Variants in THEMIS observed in about 807,000 individuals in gnomAD.
The protein encoded by THEMIS is thymocyte selection associated.
THEMIS carries 37 observed loss-of-function variants against 52.6 expected under a neutral mutation model. The observed-to-expected ratio is 0.70, with a 90% CI of 0.54 to 0.93. The LOEUF is 0.93. Among genes scored for constraint, THEMIS ranks in the 40% least tolerant of loss-of-function variants. The pLI is 0.00. For missense variants in THEMIS, 808 were observed against 763.1 expected, an observed-to-expected ratio of 1.06 and a Z score of -0.69; for synonymous variants, 292 against 272.7, an observed-to-expected ratio of 1.07 and a Z score of -0.70.
intron 2 of THEMIS, among the ~76,000 whole-genome samples, chr6:127,839,763 A>T (rs1481354546): frequency 6.6e-6 from 1 of 152,114 alleles, no homozygotes; most frequent in Non-Finnish European, 1.5e-5. Flanking sequence ...AGGTCAAAAC[A>T]AACACCCTTA....
At chr6:127,716,447 G>A (rs960923724) in intron 5 of THEMIS, among the ~76,000 whole-genome samples, 1 of 151,764 alleles carries the variant, frequency 6.6e-6, no homozygotes, top group African/African-American at 2.4e-5. Flanking sequence ...CCCTTCTCAG[G>A]GACAGCTGCA....
chr6:127,764,868 C>G (rs1423687037), intron 4 of THEMIS, among the ~76,000 whole-genome samples: 2 of 151,908 alleles, frequency 1.3e-5, no homozygotes, highest in African/African-American at 4.8e-5. Flanking sequence ...TGAAATTAGA[C>G]CCCCCAATTG....
chr6:127,735,766 A>G (rs955647662), intron 4 of THEMIS, among the ~76,000 whole-genome samples: 2 of 152,186 alleles, frequency 1.3e-5, no homozygotes, highest in African/African-American at 4.8e-5. Context: ...TTTTTTTCAC[A>G]CATGGTCAAC....
chr6:127,727,517 A>G (rs1025731855), intron 4 of THEMIS, among the ~76,000 whole-genome samples: 17 of 152,140 alleles, frequency 1.1e-4, no homozygotes, highest in African/African-American at 3.6e-4. Context: ...ATCTAGGAAA[A>G]TTATTCTCAA....
chr6:127,915,687 T>C (rs976470684), intron 1 of THEMIS, among the ~76,000 whole-genome samples: 13 of 151,148 alleles, frequency 8.6e-5, no homozygotes, highest in African/African-American at 3.2e-4. Context: ...TAGAAGCACA[T>C]GAGAAAAAAG....
intron 3 of THEMIS, among the ~76,000 whole-genome samples, chr6:127,827,925 T>C (rs781129550): frequency 3.2e-4 from 48 of 152,174 alleles, no homozygotes; most frequent in Admixed American, 1.6e-3. Flanking sequence ...CCACTCCCCA[T>C]TGCATGTGTT....
rs572203687 is a variant in THEMIS at position 127,787,139 on chromosome 6, A to G, written c.1758+25744T>C. ...ATCAGCAGCAATTATTAACCATTGC[A>G]TCTTCCAGAGGCTGTGATGCTAATT... On this transcript the variant is annotated intron_variant, in intron 4 of 5. Coordinates refer to ENST00000368248, the MANE Select transcript of THEMIS (RefSeq NM_001010923.3). Among the ~76,000 whole-genome samples, 8 of 152,366 alleles carry G rather than the reference A, an allele frequency of 5.3e-5. No homozygotes were observed. The East Asian group carries it at 1.5e-3, about 29-fold the overall frequency.
chr6:127,754,109 G>A (rs1234765148), intron 4 of THEMIS, among the ~76,000 whole-genome samples: 3 of 151,936 alleles, frequency 2.0e-5, no homozygotes, highest in Non-Finnish European at 4.4e-5. Context: ...TCTTAAAGAA[G>A]TTGCTTAATA....
the THEMIS span, among the ~76,000 whole-genome samples, chr6:127,701,119 A>G: frequency 6.6e-6 from 1 of 152,136 alleles, no homozygotes; most frequent in Admixed American, 6.5e-5. Context: ...TATATGGAAC[A>G]TTCTCATCAC....
intron 1 of THEMIS, among the ~76,000 whole-genome samples, chr6:127,884,205 C>G (rs1200940385): frequency 2.0e-5 from 3 of 152,122 alleles, no homozygotes; most frequent in African/African-American, 7.2e-5. Context: ...TGCACTTTGT[C>G]CATACTTCCC....
At chr6:127,831,381 G>T (rs555395978) in intron 2 of THEMIS, among the ~76,000 whole-genome samples, 16 of 152,178 alleles carry the variant, frequency 1.1e-4, no homozygotes, top group African/African-American at 3.1e-4. Context: ...GGACAAAGAA[G>T]AAATTAGTTA....
At chr6:127,792,822 A>G (rs1777202682) in intron 4 of THEMIS, among the ~76,000 whole-genome samples, 1 of 152,236 alleles carries the variant, frequency 6.6e-6, no homozygotes, top group Non-Finnish European at 1.5e-5. Flanking sequence ...TATTTCCTGT[A>G]GCTGCACAGA....
chr6:127,910,577 T>C (rs1421654087), intron 1 of THEMIS, among the ~76,000 whole-genome samples: 2 of 152,174 alleles, frequency 1.3e-5, no homozygotes, highest in African/African-American at 4.8e-5. Context: ...GATAATTAGA[T>C]GACTGTACAT....
chr6:127,865,330 G>T (rs1457571787), intron 1 of THEMIS, among the ~76,000 whole-genome samples: 1 of 152,108 alleles, frequency 6.6e-6, no homozygotes, highest in Non-Finnish European at 1.5e-5. Flanking sequence ...TGATCCAAGG[G>T]TTTATAAGGT....
chr6:127,910,305 T>C (rs1781379731), intron 1 of THEMIS, among the ~76,000 whole-genome samples: 1 of 152,152 alleles, frequency 6.6e-6, no homozygotes, highest in African/African-American at 2.4e-5. Context: ...CCTCATCATT[T>C]TGTAAGCTCA....
chr6:127,848,342 G>A (rs1779295466), intron 2 of THEMIS, among the ~76,000 whole-genome samples: 1 of 151,900 alleles, frequency 6.6e-6, no homozygotes. Flanking sequence ...CATTTGGGTT[G>A]GTTCCAACTC....
Position 127,862,428 on chromosome 6 carries a change from ATTTTTTT to A in THEMIS, c.92-7247_92-7241del, listed in dbSNP as rs71028110. ...GCAGGTGAAATCTCCTAGGGAGTAA[ATTTTTTT>A]TTTTTTTTTTTTTTTGCTCTGTTGC... On this transcript the variant is annotated intron_variant, in intron 1 of 5. Coordinates refer to ENST00000368248, the MANE Select transcript of THEMIS (RefSeq NM_001010923.3). Among the ~76,000 whole-genome samples, 21 of 72,810 alleles carry A rather than the reference ATTTTTTT, an allele frequency of 2.9e-4. 1 individual carries two copies. The highest frequency in any genetic ancestry group is 5.1e-4 in the Non-Finnish European group (18 of 35,430). 47.8% of individuals were successfully genotyped at this position (72,810 alleles called of 152,430 possible). A position where few individuals can be genotyped will look rare whatever the true frequency, so the allele number is the denominator to read the frequency against.
the THEMIS span, among the ~76,000 whole-genome samples, chr6:127,702,067 A>C: frequency 6.6e-6 from 1 of 151,878 alleles, no homozygotes; most frequent in Admixed American, 6.6e-5. Flanking sequence ...TACCCTTTAG[A>C]TATCCTTTTA....
downstream of THEMIS, chr6:127,708,158 A>C (rs1198946198): frequency 6.6e-6 from 1 of 152,098 alleles, no homozygotes; most frequent in African/African-American, 2.4e-5. Flanking sequence ...TTACAGGAAG[A>C]TAGTTATTCT....
Sources: gnomAD v4.1 joint callset for allele counts (sites outside exome capture counted in the v4.1 genomes callset) on GRCh38, gnomAD v4.1.1 for gene constraint, MANE v1.5 for transcripts, NCBI Gene and HGNC (gene_info 2026-07-23, HGNC 2026-07-21) for gene names.